Variants in PRDM16 observed in about 807,000 individuals in gnomAD.
PRDM16 encodes the protein histone-lysine N-methyltransferase PRDM16.
A neutral mutation model predicts 110.6 loss-of-function variants in PRDM16; 23 were observed. The observed-to-expected ratio is 0.21, with a 90% confidence interval of 0.15 to 0.29. The LOEUF (loss-of-function observed/expected upper bound fraction) is 0.29, where lower values mean the gene tolerates loss of function less well. Among genes scored for constraint, PRDM16 ranks in the 10% least tolerant of loss-of-function variants. PRDM16 has a pLI of 1.00. For missense variants in PRDM16, 1,615 were observed against 1,794.3 expected (o/e 0.90, Z 1.81); for synonymous variants, 799 against 781.8 (o/e 1.02, Z -0.37).
Position 3,199,831 on chromosome 1 carries a change from G to A in PRDM16, c.387+13357G>A, listed in dbSNP as rs1029261949. ...GACACGAGCACCATGCTGTCTTCCC[G>A]GAGAGACCACGGTGCACCCTGTCTC... On this transcript the variant is annotated intron_variant, in intron 2 of 16. Transcript: ENST00000270722. Among the ~76,000 whole-genome samples the A allele has an allele frequency of 2.0e-5, 3 of 152,182 alleles. No homozygotes were observed. The South Asian group carries it at 6.2e-4, about 31-fold the overall frequency.
intron 3 of PRDM16, among the ~76,000 whole-genome samples, chr1:3,379,167 C>T (rs1569618613): frequency 8.6e-6 from 1 of 115,984 alleles, no homozygotes; most frequent in Non-Finnish European, 1.9e-5. Context: ...CCAGCACACC[C>T]CTCCCAAAAC....
chr1:3,313,398 C>A (rs1203415188), intron 3 of PRDM16, among the ~76,000 whole-genome samples: 4 of 152,230 alleles, frequency 2.6e-5, no homozygotes, highest in African/African-American at 4.8e-5. Flanking sequence ...GCCTGGTCTC[C>A]TTTGACGTCT....
chr1:3,262,783 G>A (rs541093120), intron 3 of PRDM16, among the ~76,000 whole-genome samples: 71 of 152,334 alleles, frequency 4.7e-4, no homozygotes, highest in African/African-American at 1.5e-3. Context: ...TCCCAGGGAC[G>A]ACACCTGCGG....
chr1:3,194,652 C>A (rs964465926), intron 2 of PRDM16, among the ~76,000 whole-genome samples: 4 of 147,938 alleles, frequency 2.7e-5, no homozygotes, highest in Non-Finnish European at 4.5e-5. Context: ...CCACACGCCA[C>A]CGTCTCCCCG....
chr1:3,122,944 C>T (rs990003983), intron 1 of PRDM16, among the ~76,000 whole-genome samples: 4 of 152,152 alleles, frequency 2.6e-5, no homozygotes, highest in African/African-American at 9.7e-5. Context: ...CACGGGAGCC[C>T]GAGGCCTGGG....
intron 12 of PRDM16, among the ~76,000 whole-genome samples, chr1:3,422,496 G>A (rs1426626848): frequency 6.6e-6 from 1 of 152,258 alleles, no homozygotes; most frequent in Non-Finnish European, 1.5e-5. Context: ...ACTGGCAGGT[G>A]CTTTGCATCC....
intron 1 of PRDM16, among the ~76,000 whole-genome samples, chr1:3,130,262 G>T (rs35201154): frequency 0.046 from 6,951 of 152,326 alleles, 230 homozygotes; most frequent in Non-Finnish European, 0.067. Context: ...CCCCGGGCAG[G>T]CGATGTGGAC....
intron 3 of PRDM16, among the ~76,000 whole-genome samples, chr1:3,284,878 G>A (rs1243809060): frequency 6.6e-6 from 1 of 152,238 alleles, no homozygotes; most frequent in African/African-American, 2.4e-5. Flanking sequence ...GGAGTCTGCA[G>A]CCGCCAGGGC....
rs1411916899 is a variant in PRDM16 at position 3,246,680 on chromosome 1, C to T, written c.438+2543C>T. 1.3e-5 allele frequency among the ~76,000 whole-genome samples: 2 copies of T among 152,194 alleles called. No homozygotes were observed. Among genetic ancestry groups the T allele is most frequent in the Non-Finnish European group, 2.9e-5 (2 of 68,036 alleles). ...ATCAACTCATAGTTTTTTCAGCCTC[C>T]GCAATAAACACCGTCAGCGTCTGGA... On this transcript the variant is annotated intron_variant, in intron 3 of 16. Transcript: ENST00000270722. This position sits in a 1 kb window ranked among gnomAD's most constrained non-coding sequence, Gnocchi z 5.2.
Position 3,382,170 on chromosome 1 carries a change from C to A in PRDM16, c.439-2982C>A, listed in dbSNP as rs754711110. Among the ~76,000 whole-genome samples, 13 of 152,232 alleles carry A rather than the reference C, an allele frequency of 8.5e-5. No homozygotes were observed. Among genetic ancestry groups the A allele is most frequent in the Non-Finnish European group, 1.8e-4 (12 of 68,032 alleles). On this transcript the variant is annotated intron_variant, in intron 3 of 16. Coordinates refer to ENST00000270722, the MANE Select transcript of PRDM16 (RefSeq NM_022114.4). This position sits in a 1 kb window ranked among gnomAD's most constrained non-coding sequence, Gnocchi z 6.6. ...TGGGGAGGGGCCTCACCACGTGGGG[C>A]TGGTGGCCCTGGGTCTGCACCCTAG...
chr1:3,111,356 C>T (rs68018581), intron 1 of PRDM16, among the ~76,000 whole-genome samples: 24,910 of 151,726 alleles, frequency 0.16, 2,770 homozygotes, highest in African/African-American at 0.3. Flanking sequence ...AAGAGTCTCC[C>T]TCCTGAAGGT....
intron 16 of PRDM16, among the ~76,000 whole-genome samples, chr1:3,432,503 G>A (rs1035371363): frequency 3.9e-5 from 6 of 152,188 alleles, no homozygotes; most frequent in African/African-American, 1.2e-4. Context: ...CCTGCAGCCC[G>A]GGCTTTTCCC....
chr1:3,321,732 T>A (rs2100456950), intron 3 of PRDM16, among the ~76,000 whole-genome samples: 1 of 151,352 alleles, frequency 6.6e-6, no homozygotes, highest in South Asian at 2.1e-4. Context: ...ATGTGTGACG[T>A]ACATGTGTGC....
At chr1:3,237,950 ACCAG>A (rs1221721043) in intron 2 of PRDM16, 1 of 152,258 alleles carries the variant, frequency 6.6e-6, no homozygotes, top group Non-Finnish European at 1.5e-5. Context: ...GCCCCATCTC[ACCAG>A]GTCAGCGGAG....
chr1:3,375,424 G>T (rs183510121), intron 3 of PRDM16, among the ~76,000 whole-genome samples: 1 of 152,358 alleles, frequency 6.6e-6, no homozygotes, highest in African/African-American at 2.4e-5. Flanking sequence ...TGAGTCACCA[G>T]TGTGCTCCTT....
chr1:3,244,010 C>A lies in PRDM16; in HGVS notation c.388-77C>A. ...TGACTTTTGGGGACAGTGGTTCTGCCCCCACCATTTAGAACCCAGTGTAGC... is the reference window on the plus strand; with the variant it reads ...TGACTTTTGGGGACAGTGGTTCTGCACCCACCATTTAGAACCCAGTGTAGC... On this transcript the variant is annotated intron_variant, in intron 2 of 16. Transcript: ENST00000270722. This position sits in a 1 kb window ranked among gnomAD's most constrained non-coding sequence, Gnocchi z 4.1. 6.8e-7 allele frequency: 1 copy of A among 1,461,946 alleles called. No individual in the cohort carries two copies. Among genetic ancestry groups the A allele is most frequent in the Non-Finnish European group, 9.6e-7 (1 of 1,041,926 alleles). The allele number at this position is 1,461,946 out of a possible 1,614,324, so 90.6% of individuals were successfully genotyped here.
chr1:3,112,347 G>A (rs1421693951), intron 1 of PRDM16, among the ~76,000 whole-genome samples: 3 of 152,172 alleles, frequency 2.0e-5, no homozygotes, highest in African/African-American at 7.2e-5. Flanking sequence ...AGCATCCATC[G>A]TGGGCCCCGG....
At position 3,370,514 on chromosome 1, in the gene PRDM16, A is replaced by C. The variant is rs144310086; in HGVS notation, c.439-14638A>C. Among the ~76,000 whole-genome samples, 2 of 152,168 alleles carry C rather than the reference A, an allele frequency of 1.3e-5. No individual in the cohort carries two copies. Among genetic ancestry groups the C allele is most frequent in the Non-Finnish European group, 2.9e-5 (2 of 67,992 alleles). On this transcript the variant is annotated intron_variant, in intron 3 of 16. Coordinates refer to ENST00000270722, the MANE Select transcript of PRDM16 (RefSeq NM_022114.4). This position sits in a 1 kb window ranked among gnomAD's most constrained non-coding sequence, Gnocchi z 4.8. ...CCTGGCTCTGGGAATCAGCCAGATA[A>C]AACCTTCCAGCCCCACCACCCACCA...
At chr1:3,400,123 C>A (rs998838770) in intron 5 of PRDM16, among the ~76,000 whole-genome samples, 8 of 152,228 alleles carry the variant, frequency 5.3e-5, no homozygotes, top group African/African-American at 1.9e-4. Context: ...GGGGCCCTGC[C>A]AGCCCTGCTT....
Sources: gnomAD v4.1 joint callset for allele counts (sites outside exome capture counted in the v4.1 genomes callset) on GRCh38, gnomAD v4.1.1 for gene constraint, Gnocchi (gnomAD v3.1) non-coding constraint, MANE v1.5 for transcripts, NCBI Gene and HGNC (gene_info 2026-07-23, HGNC 2026-07-21) for gene names.